HSPA12A: variants seen among roughly 807,000 people sequenced by gnomAD.
HSPA12A encodes heat shock 70 kDa protein 12A.
In HSPA12A, 28 loss-of-function variants were observed where a neutral mutation model predicts 69.2. That is an observed-to-expected ratio of 0.40 (90% CI 0.30 to 0.55). HSPA12A has a LOEUF of 0.55. HSPA12A is among the 20% of genes least tolerant of loss of function. HSPA12A has a pLI of 0.38. For missense variants in HSPA12A, 686 were observed against 900.7 expected (o/e 0.76, Z 3.05); for synonymous variants, 345 against 370.5 (o/e 0.93, Z 0.79).
chr10:116,742,012 GGGCCACCC>G (rs556173930), intron 1 of HSPA12A, among the ~76,000 whole-genome samples: 2 of 152,142 alleles, frequency 1.3e-5, no homozygotes, highest in African/African-American at 4.8e-5. Context: ...TTACCCGCTG[GGGCCACCC>G]GGCCACCCGG....
intron 2 of HSPA12A, among the ~76,000 whole-genome samples, chr10:116,747,765 G>GTT (rs1589682867): frequency 1.3e-5 from 2 of 152,238 alleles, no homozygotes; most frequent in East Asian, 3.9e-4. Context: ...TGGGGAGGCC[G>GTT]AGACGGGTGG....
In HSPA12A at chr10:116,672,931, A is replaced by C. The variant is rs1210451281; in HGVS notation, c.*1850T>G. The C allele has an allele frequency of 1.3e-5, 2 of 152,660 alleles. No homozygotes were observed. Among genetic ancestry groups the C allele is most frequent in the African/African-American group, 2.4e-5 (1 of 41,462 alleles). The allele number at this position is 152,660 out of a possible 1,614,324, so 9.5% of individuals were successfully genotyped here. A position where few individuals can be genotyped will look rare whatever the true frequency, so the allele number is the denominator to read the frequency against. ...TTCTGTGGTTTGTTCGTTGTTTCAC[A>C]TTCTAGTAGGGAATTCTGCAGCAGG... On this transcript the variant is annotated 3_prime_UTR_variant, in exon 12 of 12. Coordinates refer to ENST00000369209, the MANE Select transcript of HSPA12A (RefSeq NM_025015.3).
At chr10:116,715,286 A>C (rs1438950869) in intron 1 of HSPA12A, among the ~76,000 whole-genome samples, 1 of 152,232 alleles carries the variant, frequency 6.6e-6, no homozygotes, top group Non-Finnish European at 1.5e-5. Context: ...ACAGCTTAGA[A>C]GAGACTTAAA....
rs1260709980 is a variant in HSPA12A at position 116,676,270 on chromosome 10, A to G, written c.1390+129T>C. On this transcript the variant is annotated intron_variant, in intron 11 of 11. Coordinates refer to ENST00000369209, the MANE Select transcript of HSPA12A (RefSeq NM_025015.3). The stretch of plus-strand genomic sequence containing the variant: ...ATGCCCAAGCCCTGCCCAGTCCTGC[A>G]GGGCCCTTGCCTGTGGCTCCCAGAT... 28 of 727,968 alleles carry G rather than the reference A, an allele frequency of 3.8e-5. No homozygotes were observed. The East Asian group carries it at 7.0e-4, about 18-fold the overall frequency. 45.1% of individuals were successfully genotyped at this position (727,968 alleles called of 1,614,324 possible).
At chr10:116,831,747 T>C (rs1315015903) in intron 2 of HSPA12A, 2 of 152,204 alleles carry the variant, frequency 1.3e-5, no homozygotes, top group Non-Finnish European at 2.9e-5. Context: ...AGTGACTAAT[T>C]GGCTTATTTT....
intron 1 of HSPA12A, among the ~76,000 whole-genome samples, chr10:116,742,147 G>T (rs1017858613): frequency 7.2e-5 from 11 of 151,948 alleles, no homozygotes; most frequent in Non-Finnish European, 1.6e-4. Flanking sequence ...GCCACCCGAG[G>T]CAGGGACCAA....
intron 1 of HSPA12A, among the ~76,000 whole-genome samples, chr10:116,719,260 G>T (rs1163390999): frequency 6.6e-6 from 1 of 152,226 alleles, no homozygotes; most frequent in African/African-American, 2.4e-5. Context: ...CCACAGTCCT[G>T]ACTGATGGGA....
At chr10:116,742,604 A>G, upstream of HSPA12A, 3 of 1,088,894 alleles carry the variant, frequency 2.8e-6, no homozygotes, top group Non-Finnish European at 3.3e-6. Context: ...CTGACGCGGC[A>G]GCCGCCGCAG....
chr10:116,790,107 T>G (rs1380259659), intron 2 of HSPA12A, among the ~76,000 whole-genome samples: 40 of 137,682 alleles, frequency 2.9e-4, no homozygotes, highest in Admixed American at 1.0e-3. Context: ...TTTTTTTTTT[T>G]TTTTTTTTTT....
At chr10:116,762,945 C>T (rs1844003681) in intron 2 of HSPA12A, among the ~76,000 whole-genome samples, 1 of 152,126 alleles carries the variant, frequency 6.6e-6, no homozygotes, top group Non-Finnish European at 1.5e-5. Context: ...AATCATTTGC[C>T]CTCATCCTTA....
At chr10:116,760,674 G>A (rs1843949039) in intron 2 of HSPA12A, among the ~76,000 whole-genome samples, 2 of 151,664 alleles carry the variant, frequency 1.3e-5, no homozygotes, top group Non-Finnish European at 2.9e-5. Flanking sequence ...TCTTTTTTTT[G>A]TAAAATGAGA....
intron 3 of HSPA12A, among the ~76,000 whole-genome samples, chr10:116,703,658 C>T (rs1850145313): frequency 6.6e-6 from 1 of 152,216 alleles, no homozygotes; most frequent in Non-Finnish European, 1.5e-5. Flanking sequence ...TCAGAGTCAT[C>T]CCTTGGAATT....
intron 1 of HSPA12A, 124 bp downstream of exon 1, chr10:116,742,305 TG>T: frequency 9.5e-7 from 1 of 1,052,804 alleles, no homozygotes; most frequent in Non-Finnish European, 1.2e-6. Flanking sequence ...CCGCCAGAAC[TG>T]GATGCAGCGC....
intron 1 of HSPA12A, among the ~76,000 whole-genome samples, chr10:116,716,710 G>C (rs966760713): frequency 6.6e-6 from 1 of 152,186 alleles, no homozygotes; most frequent in African/African-American, 2.4e-5. Flanking sequence ...AACAGCTCCT[G>C]AGGAGGATGA....
At chr10:116,850,465 G>A (rs1001292779), upstream of HSPA12A, among the ~76,000 whole-genome samples, 3 of 152,092 alleles carry the variant, frequency 2.0e-5, no homozygotes, top group African/African-American at 7.2e-5. Context: ...GTTAAGCAGT[G>A]AGCAGCTGAA....
At chr10:116,841,593 A>C (rs1185872655) in intron 1 of HSPA12A, among the ~76,000 whole-genome samples, 1 of 152,180 alleles carries the variant, frequency 6.6e-6, no homozygotes, top group African/African-American at 2.4e-5. Context: ...ACCTTAAATA[A>C]TTGTGGAAGT....
rs879981613 is a variant in HSPA12A at position 116,751,166 on chromosome 10, G to A, written c.92-43881C>T. 5 of 227,634 alleles carry A rather than the reference G, an allele frequency of 2.2e-5. No individual in the cohort carries two copies. In the South Asian group the frequency reaches 4.1e-4, roughly 19 times the overall value. 14.1% of individuals were successfully genotyped at this position (227,634 alleles called of 1,614,324 possible). ...AGAAGAACTAGTAGTGGGTGACAAT[G>A]GCAAAACTGTCCCAAAATGTCCCTT... On this transcript the variant is annotated intron_variant, in intron 2 of 12. Coordinates refer to the HSPA12A transcript ENST00000635765.
intron 2 of HSPA12A, among the ~76,000 whole-genome samples, chr10:116,796,134 C>T (rs1481290216): frequency 1.8e-5 from 2 of 108,980 alleles, no homozygotes; most frequent in African/African-American, 4.4e-5. Context: ...GGTGACTGAG[C>T]AAGACTCCAT....
At chr10:116,715,937 G>C (rs1418859665) in intron 1 of HSPA12A, among the ~76,000 whole-genome samples, 2 of 152,154 alleles carry the variant, frequency 1.3e-5, no homozygotes, top group African/African-American at 4.8e-5. Context: ...AGGCTGGTCG[G>C]CCCAGTAGAC....
Sources: gnomAD v4.1 joint callset for allele counts (sites outside exome capture counted in the v4.1 genomes callset) on GRCh38, gnomAD v4.1.1 for gene constraint, MANE v1.5 for transcripts, NCBI Gene and HGNC (gene_info 2026-07-23, HGNC 2026-07-21) for gene names.